The following TET2 variants were observed in gnomAD, a reference collection of about 807,000 sequenced individuals.
The protein encoded by TET2 is tet methylcytosine dioxygenase 2.
TET2 carries 299 observed loss-of-function variants against 142.9 expected under a neutral mutation model. That is an observed-to-expected ratio of 2.09 (90% CI 1.90 to 2.30). The LOEUF (loss-of-function observed/expected upper bound fraction) is 2.30, where lower values mean the gene tolerates loss of function less well. Ranked by LOEUF, TET2 falls within the 30% of genes most tolerant of loss-of-function variation. The pLI, the probability that TET2 is intolerant of heterozygous loss-of-function variation, is 0.00. For missense variants in TET2, 2,418 were observed against 2,378.0 expected, an observed-to-expected ratio of 1.02 and a Z score of -0.35; for synonymous variants, 819 against 849.0, an observed-to-expected ratio of 0.96 and a Z score of 0.61.
rs1283545990 is a variant in TET2 at position 105,261,774 on chromosome 4, T to C, written c.3970T>C (p.Ser1324Pro). The C allele has an allele frequency of 6.5e-7, 1 of 1,546,542 alleles. No individual in the cohort carries two copies. The highest frequency in any genetic ancestry group is 8.7e-7 in the Non-Finnish European group (1 of 1,143,502). ...DDPKEEEKLE[S>P]HLQNLSTLMA... is the part of the protein sequence containing the mutation. ...CTTTATACAGGAAGAGAAACTGGAG[T>C]CTCATTTGCAAAACCTGTCCACTCT... is the stretch of plus-strand genomic sequence containing the variant. The change falls in exon 8 of 11, where the codon TCT (serine) becomes CCT (proline). Residue 1324 changes from serine (S) to proline (P), a missense_variant. Physicochemically the swap from Ser to Pro is moderately conservative, Grantham distance 74. Coordinates refer to ENST00000380013, the MANE Select transcript of TET2 (RefSeq NM_001127208.3).
chr4:105,242,803 ATG>A lies in TET2; in HGVS notation c.3501-21_3501-20del, dbSNP rs373986001. The A allele has an allele frequency of 8.8e-5, 136 of 1,542,822 alleles. 1 individual carries two copies. In the African/African-American group the frequency reaches 1.3e-3, roughly 15 times the overall value. On this transcript the variant is annotated intron_variant, in intron 4 of 10. Transcript: ENST00000380013. ...CCTCTTGAATTCATTTGCTAATTGT[ATG>A]TGTGTGTGTTTCTGTGGGTTTCTTT...
intron 2 of TET2, among the ~76,000 whole-genome samples, chr4:105,217,748 A>G (rs563341005): frequency 1.2e-4 from 18 of 152,058 alleles, no homozygotes; most frequent in Non-Finnish European, 2.5e-4. Flanking sequence ...TAATATCCCA[A>G]AGAACCAGTC....
At chr4:105,163,752 C>T (rs1385592049) in intron 1 of TET2, among the ~76,000 whole-genome samples, 2 of 150,632 alleles carry the variant, frequency 1.3e-5, no homozygotes, top group Non-Finnish European at 2.9e-5. Flanking sequence ...TGTAAATCAA[C>T]TCTTAAACAG....
chr4:105,248,032 T>C (rs185682694), intron 6 of TET2, among the ~76,000 whole-genome samples: 1 of 152,300 alleles, frequency 6.6e-6, no homozygotes, highest in Non-Finnish European at 1.5e-5. Context: ...GATTTTTAAG[T>C]AATATAAGTA....
intron 2 of TET2, among the ~76,000 whole-genome samples, chr4:105,231,659 T>C (rs1435812820): frequency 2.0e-5 from 3 of 152,214 alleles, no homozygotes; most frequent in African/African-American, 7.2e-5. Flanking sequence ...ATTTCATTTT[T>C]CTTGTTTATC....
rs557025535 is a variant in TET2 at position 105,188,753 on chromosome 4, A to G, written c.-192-1607A>G. 2.1e-3 allele frequency among the ~76,000 whole-genome samples: 322 copies of G among 152,286 alleles called. 10 individuals are homozygous for G. The South Asian group carries it at 0.06, about 28-fold the overall frequency. ...ACTAAGTGAAAGAAACCAGACGTAA[A>G]AGGCCAAATTTTGTATGGTTTTATA... On this transcript the variant is annotated intron_variant, in intron 1 of 10. Transcript: ENST00000380013.
rs1205663969 is a variant in TET2 at position 105,234,738 on chromosome 4, C to G, written c.796C>G (p.His266Asp). The G allele has an allele frequency of 1.2e-6, 2 of 1,613,910 alleles. No individual in the cohort carries two copies. Among genetic ancestry groups the G allele is most frequent in the African/African-American group, 2.7e-5 (2 of 74,934 alleles). ...TAATGAGTTGTCCTGTGAGATCACTCACCCATCGCATACCTCAGGGCAGAT... is the reference window on the plus strand; with the variant it reads ...TAATGAGTTGTCCTGTGAGATCACTGACCCATCGCATACCTCAGGGCAGAT... ...ATNELSCEIT[H>D]PSHTSGQINS... Residue 266 changes from histidine (H) to aspartate (D), a missense_variant, in exon 3 of 11, where the codon CAC becomes GAC. Transcript: ENST00000380013.
chr4:105,202,905 G>C (rs1452692275), intron 2 of TET2, among the ~76,000 whole-genome samples: 3 of 152,116 alleles, frequency 2.0e-5, no homozygotes, highest in Non-Finnish European at 4.4e-5. Flanking sequence ...AATAAAAACA[G>C]GAAATATAAA....
chr4:105,182,918 A>G (rs1324670366), intron 1 of TET2, among the ~76,000 whole-genome samples: 2 of 152,314 alleles, frequency 1.3e-5, no homozygotes, highest in East Asian at 3.9e-4. Context: ...TTAGATGAAG[A>G]TATTTGGGCT....
chr4:105,259,667 C>A lies in TET2; in HGVS notation c.3852C>A (p.Ser1284=), dbSNP rs1442519157. The A allele has an allele frequency of 1.9e-6, 3 of 1,550,954 alleles. No individual in the cohort carries two copies. In the African/African-American group the frequency reaches 4.1e-5, roughly 21 times the overall value. Residue 1284 remains serine (S), a synonymous_variant, in exon 7 of 11, where the codon TCC becomes TCA. Transcript: ENST00000380013. ...QGLDPETCGA[S]FSFGCSWSMY... ...TGGATCCAGAAACCTGTGGTGCCTCCTTCTCTTTTGGTTGTTCATGGAGCA... is the reference window on the plus strand; with the variant it reads ...TGGATCCAGAAACCTGTGGTGCCTCATTCTCTTTTGGTTGTTCATGGAGCA...
chr4:105,215,039 A>T (rs1174391393), intron 2 of TET2, among the ~76,000 whole-genome samples: 1 of 152,118 alleles, frequency 6.6e-6, no homozygotes, highest in Non-Finnish European at 1.5e-5. Context: ...GGGGTCTGAC[A>T]CTGTCTCCGG....
Position 105,272,822 on chromosome 4 carries a change from T to C in TET2, c.4441T>C (p.Ser1481Pro). 1 of 1,551,596 alleles carries C rather than the reference T, an allele frequency of 6.4e-7. No individual in the cohort carries two copies. The highest frequency in any genetic ancestry group is 1.2e-5 in the South Asian group (1 of 84,056). ...GAAAGCTGCAGCTGAAAAGCTTTCCTCCCTGGAGAACAGCTCAAATAAAAA... is the reference window on the plus strand; with the variant it reads ...GAAAGCTGCAGCTGAAAAGCTTTCCCCCCTGGAGAACAGCTCAAATAAAAA... ...AKKAAAEKLS[S>P]LENSSNKNEK... The change falls in exon 10 of 11, where the codon TCC becomes CCC. Residue 1481 changes from serine (S) to proline (P), a missense_variant. Coordinates refer to ENST00000380013, the MANE Select transcript of TET2 (RefSeq NM_001127208.3).
At chr4:105,216,000 A>G (rs1301945690) in intron 2 of TET2, among the ~76,000 whole-genome samples, 2 of 152,178 alleles carry the variant, frequency 1.3e-5, no homozygotes, top group Non-Finnish European at 2.9e-5. Context: ...CTATTAAGAG[A>G]TCAACCACCA....
intron 2 of TET2, among the ~76,000 whole-genome samples, chr4:105,205,871 T>A (rs954966842): frequency 6.6e-6 from 1 of 152,132 alleles, no homozygotes; most frequent in Non-Finnish European, 1.5e-5. Flanking sequence ...CAACCTCAGG[T>A]GATCCACCTG....
Position 105,204,963 on chromosome 4 carries a change from C to G in TET2, c.-47+14458C>G, listed in dbSNP as rs371728461. Among the ~76,000 whole-genome samples the G allele has an allele frequency of 2.0e-5, 3 of 151,996 alleles. No homozygotes were observed. The East Asian group carries it at 5.8e-4, about 29-fold the overall frequency. ...TCTCTTATTTTTAAAAATTACTTTT[C>G]CTTTCTTTGCTTAAATTTGCTTTGT... On this transcript the variant is annotated intron_variant, in intron 2 of 10. Coordinates refer to ENST00000380013, the MANE Select transcript of TET2 (RefSeq NM_001127208.3).
intron 1 of TET2, among the ~76,000 whole-genome samples, chr4:105,150,688 C>T (rs770032463): frequency 2.0e-5 from 3 of 152,182 alleles, no homozygotes; most frequent in Non-Finnish European, 4.4e-5. Flanking sequence ...AGAACACAAC[C>T]ACAAATGATT....
At chr4:105,190,254 A>T (rs1322219274) in intron 1 of TET2, 106 bp from the exon 2 acceptor site, 1 of 495,822 alleles carries the variant, frequency 2.0e-6, no homozygotes, top group East Asian at 3.1e-5. Flanking sequence ...CTGTAATGGA[A>T]ATATCCAATT....
At chr4:105,188,573 A>C (rs1725598182) in intron 1 of TET2, among the ~76,000 whole-genome samples, 3 of 152,226 alleles carry the variant, frequency 2.0e-5, no homozygotes. Context: ...ATATCCAAAG[A>C]AGCATTATTT....
chr4:105,157,655 T>C (rs1257265266), intron 1 of TET2, among the ~76,000 whole-genome samples: 1 of 152,164 alleles, frequency 6.6e-6, no homozygotes, highest in Non-Finnish European at 1.5e-5. Context: ...TTACTAACTG[T>C]GGGAACTAAA....
Sources: allele counts gnomAD v4.1 joint callset (sites outside exome capture counted in the v4.1 genomes callset), GRCh38; gene constraint gnomAD v4.1.1; transcripts MANE v1.5; gene names NCBI Gene and HGNC (gene_info 2026-07-23, HGNC 2026-07-21).